The following PPHLN1 variants were observed in gnomAD, a reference collection of about 807,000 sequenced individuals.
The protein encoded by PPHLN1 is periphilin-1.
In PPHLN1, 29 loss-of-function variants were observed where a neutral mutation model predicts 51.3. That is an observed-to-expected ratio of 0.57 (90% CI 0.42 to 0.77). PPHLN1 has a LOEUF of 0.77. PPHLN1 is among the 30% of genes least tolerant of loss of function. The probability of loss-of-function intolerance (pLI) is 0.00; values close to 1 mark genes in which losing one functional copy is unlikely to be tolerated. For missense variants in PPHLN1, 436 were observed against 438.4 expected, an observed-to-expected ratio of 0.99 and a Z score of 0.05; for synonymous variants, 147 against 147.8, an observed-to-expected ratio of 0.99 and a Z score of 0.04.
intron 5 of PPHLN1, among the ~76,000 whole-genome samples, chr12:42,378,493 G>A (rs1321014435): frequency 2.6e-5 from 4 of 151,726 alleles, no homozygotes; most frequent in East Asian, 1.9e-4. Flanking sequence ...AATTAGCCAC[G>A]TGTTAAAATT....
chr12:42,393,576 G>A lies in PPHLN1; in HGVS notation c.655G>A (p.Asp219Asn). Residue 219 changes from aspartate to asparagine, a missense_variant, in exon 8 of 10, where the codon GAC (aspartate) becomes AAC (asparagine). By Grantham distance (23) the Asp-to-Asn change is conservative. Transcript: ENST00000358314. ...GSAVSSSKVL[D>N]KPSRLTEKEL... ...AATGTTCTATTTTTATTAGGTGTTAGACAAACCCAGTAGGCTAACTGAAAA... is the reference window on the plus strand; with the variant it reads ...AATGTTCTATTTTTATTAGGTGTTAAACAAACCCAGTAGGCTAACTGAAAA... The A allele has an allele frequency of 6.2e-7, 1 of 1,604,968 alleles. No homozygotes were observed. The highest frequency in any genetic ancestry group is 1.1e-5 in the South Asian group (1 of 89,162).
At chr12:42,369,736 A>G (rs537491821) in intron 4 of PPHLN1, among the ~76,000 whole-genome samples, 3 of 152,108 alleles carry the variant, frequency 2.0e-5, no homozygotes, top group Non-Finnish European at 2.9e-5. Context: ...CTTGCCTCCT[A>G]ATTCCTTGAT....
At chr12:42,432,302 A>G (rs1191888977) in intron 9 of PPHLN1, 21 of 750,646 alleles carry the variant, frequency 2.8e-5, no homozygotes, top group Non-Finnish European at 4.5e-5. Flanking sequence ...CCTAGAACCA[A>G]TCTGTTATGG....
At chr12:42,390,563 G>A (rs1441540465) in intron 7 of PPHLN1, among the ~76,000 whole-genome samples, 1 of 151,978 alleles carries the variant, frequency 6.6e-6, no homozygotes. Context: ...TTGTCTGATA[G>A]TTTCATGTAG....
chr12:42,388,065 C>T (rs771887367), intron 7 of PPHLN1, among the ~76,000 whole-genome samples: 95 of 152,350 alleles, frequency 6.2e-4, no homozygotes, highest in Middle Eastern at 6.8e-3. Flanking sequence ...CAAGGTTTCT[C>T]CCCATGTGAC....
At chr12:42,384,726 C>T (rs1424364643) in intron 5 of PPHLN1, among the ~76,000 whole-genome samples, 3 of 152,176 alleles carry the variant, frequency 2.0e-5, no homozygotes, top group African/African-American at 7.2e-5. Flanking sequence ...TGGCTTCTTG[C>T]CTTAAATGGA....
chr12:42,361,435 T>C (rs2074673672), intron 4 of PPHLN1: 1 of 152,250 alleles, frequency 6.6e-6, no homozygotes, highest in Non-Finnish European at 1.5e-5. Flanking sequence ...ATATTTATTA[T>C]GCTGGCATTC....
chr12:42,395,110 G>A (rs1026847230), intron 8 of PPHLN1, among the ~76,000 whole-genome samples: 32 of 151,962 alleles, frequency 2.1e-4, no homozygotes, highest in African/African-American at 7.2e-4. Context: ...TTTCTTGAAT[G>A]CATCTTGACA....
At position 42,350,051 on chromosome 12, in the gene PPHLN1, A is replaced by G. The variant is rs191338593; in HGVS notation, c.73-1834A>G. ...CAGAGGCGCCCCCCACCTCCCAGAC[A>G]GGGCGGCTGCCGGGCGGGGGCGCCC... On this transcript the variant is annotated intron_variant, in intron 2 of 9. Coordinates refer to ENST00000358314, the MANE Select transcript of PPHLN1 (RefSeq NM_201439.2). 7.5e-3 allele frequency among the ~76,000 whole-genome samples: 925 copies of G among 123,700 alleles called. 34 individuals are homozygous for G. The East Asian group carries it at 0.092, about 12-fold the overall frequency. 81.2% of individuals were successfully genotyped at this position (123,700 alleles called of 152,430 possible).
chr12:42,349,204 A>G lies in PPHLN1; in HGVS notation c.73-2681A>G, dbSNP rs538928020. ...AGTATTTTTTTCCGTAGATTTGCAC[A>G]GTAGTAATGAATATAGCAAACATTT... On this transcript the variant is annotated intron_variant, in intron 2 of 9. Transcript: ENST00000358314. Among the ~76,000 whole-genome samples, 229 of 152,376 alleles carry G rather than the reference A, an allele frequency of 1.5e-3. 2 individuals are homozygous for G. Among genetic ancestry groups the G allele is most frequent in the East Asian group, 1.9e-3 (10 of 5,186 alleles).
chr12:42,421,427 A>G (rs59402225), intron 9 of PPHLN1, among the ~76,000 whole-genome samples: 8,952 of 151,972 alleles, frequency 0.059, 291 homozygotes, highest in South Asian at 0.081. Flanking sequence ...CCTCACTGCA[A>G]CCTCCTGCTT....
At chr12:42,443,889 C>G (rs1412148959), downstream of PPHLN1, 1 of 152,166 alleles carries the variant, frequency 6.6e-6, no homozygotes, top group Non-Finnish European at 1.5e-5. Context: ...ATTTACAATA[C>G]CAGCTATCAA....
chr12:42,447,254 A>G (rs950543395), downstream of PPHLN1: 2 of 152,360 alleles, frequency 1.3e-5, no homozygotes, highest in Admixed American at 6.5e-5. Flanking sequence ...ATAGGCCCAT[A>G]TGCTCTATCT....
chr12:42,446,667 C>T, downstream of PPHLN1: 1 of 1,572,214 alleles, frequency 6.4e-7, no homozygotes. Context: ...ACTCGTCAAT[C>T]AACAAAACCT....
chr12:42,445,481 T>C, downstream of PPHLN1: 1 of 234,874 alleles, frequency 4.3e-6, no homozygotes, highest in South Asian at 6.7e-5. Context: ...ATGTATCCGT[T>C]GACACCTATT....
At chr12:42,416,069 G>T (rs145034591) in intron 9 of PPHLN1, among the ~76,000 whole-genome samples, 2 of 152,146 alleles carry the variant, frequency 1.3e-5, no homozygotes, top group Non-Finnish European at 2.9e-5. Context: ...GGTGAATGAC[G>T]TGCATGCAAG....
At chr12:42,446,886 G>GT (rs1393044047), downstream of PPHLN1, 20 of 405,702 alleles carry the variant, frequency 4.9e-5, no homozygotes, top group Non-Finnish European at 7.9e-5. Flanking sequence ...ATCTAGATAA[G>GT]TTTGTTTACT....
intron 9 of PPHLN1, among the ~76,000 whole-genome samples, chr12:42,422,375 GTC>G (rs1187958775): frequency 3.3e-5 from 5 of 152,144 alleles, no homozygotes; most frequent in African/African-American, 1.2e-4. Context: ...AAAAATTTCT[GTC>G]TATGTTGTAT....
chr12:42,446,745 A>T, downstream of PPHLN1: 1 of 1,247,396 alleles, frequency 8.0e-7, no homozygotes, highest in Non-Finnish European at 1.1e-6. Flanking sequence ...ATAAGGAAAG[A>T]CGCAATTGGA....
Sources: gnomAD v4.1 joint callset for allele counts (sites outside exome capture counted in the v4.1 genomes callset) on GRCh38, gnomAD v4.1.1 for gene constraint, MANE v1.5 for transcripts, NCBI Gene and HGNC (gene_info 2026-07-23, HGNC 2026-07-21) for gene names.